Variants in SEM1 observed in about 807,000 individuals in gnomAD.
The protein encoded by SEM1 is 26S proteasome complex subunit SEM1.
A neutral mutation model predicts 12.7 loss-of-function variants in SEM1; 3 were observed. The ratio of observed to expected loss-of-function variants is 0.24; its 90% CI spans 0.11 to 0.61. The LOEUF is 0.61. Among genes scored for constraint, SEM1 ranks in the 20% least tolerant of loss-of-function variants. SEM1 has a pLI of 0.88. For missense variants in SEM1, 59 were observed against 81.3 expected (o/e 0.73, Z 1.06); for synonymous variants, 30 against 27.8 (o/e 1.08, Z -0.25).
At chr7:96,666,235 G>A (rs1563104183) in intron 2 of SEM1, among the ~76,000 whole-genome samples, 1 of 152,080 alleles carries the variant, frequency 6.6e-6, no homozygotes, top group African/African-American at 2.4e-5. Context: ...TCTGGAAACT[G>A]GGCTCTTGTC....
At chr7:96,538,407 A>G (rs1804854231) in intron 2 of SEM1, among the ~76,000 whole-genome samples, 1 of 151,808 alleles carries the variant, frequency 6.6e-6, no homozygotes, top group Admixed American at 6.6e-5. Flanking sequence ...GGGTAATAGG[A>G]GGCAAATAGG....
At chr7:96,703,432 A>G (rs1441691602) in intron 1 of SEM1, among the ~76,000 whole-genome samples, 1 of 152,342 alleles carries the variant, frequency 6.6e-6, no homozygotes, top group South Asian at 2.1e-4. Context: ...ACTTTCAACT[A>G]TTCTGTAAGT....
At chr7:96,527,807 G>A (rs1416238542) in intron 2 of SEM1, among the ~76,000 whole-genome samples, 1 of 152,096 alleles carries the variant, frequency 6.6e-6, no homozygotes, top group African/African-American at 2.4e-5. Context: ...TCTCCTGAGT[G>A]CCATTCTTAG....
intron 2 of SEM1, among the ~76,000 whole-genome samples, chr7:96,575,946 T>C (rs1335792239): frequency 2.0e-5 from 3 of 152,258 alleles, no homozygotes; most frequent in Admixed American, 2.0e-4. Context: ...CATCTATTAT[T>C]ATATTCTGTG....
intron 1 of SEM1, among the ~76,000 whole-genome samples, chr7:96,699,692 A>G (rs1487941039): frequency 6.6e-6 from 1 of 152,212 alleles, no homozygotes; most frequent in Non-Finnish European, 1.5e-5. Flanking sequence ...CTCGCACTGT[A>G]CATAACTGGA....
chr7:96,483,779 G>T, exon 4 of SEM1: 1 of 1,511,772 alleles, frequency 6.6e-7, no homozygotes, highest in Non-Finnish European at 8.9e-7. Flanking sequence ...GAGAGCCAGG[G>T]ATATCTGGTA....
chr7:96,553,768 C>T (rs1414174173), intron 2 of SEM1, among the ~76,000 whole-genome samples: 6 of 152,098 alleles, frequency 3.9e-5, no homozygotes, highest in Non-Finnish European at 8.8e-5. Flanking sequence ...GACATTGAAT[C>T]TGTAAATTAC....
chr7:96,651,537 C>G (rs1485486029), intron 2 of SEM1, among the ~76,000 whole-genome samples: 1 of 152,126 alleles, frequency 6.6e-6, no homozygotes, highest in Non-Finnish European at 1.5e-5. Context: ...CTTCAACCCA[C>G]AGGGCTGATA....
In SEM1 at chr7:96,512,435, C is replaced by T. The variant is rs149248240; in HGVS notation, c.171-5737G>A. Among the ~76,000 whole-genome samples, 4 of 152,234 alleles carry T rather than the reference C, an allele frequency of 2.6e-5. No homozygotes were observed. In the East Asian group the frequency reaches 7.7e-4, roughly 29 times the overall value. Reference sequence around the variant, plus strand: ...ATGAGCCCTCACCACCTGCCTGTTCCACCTCTGGTTGCAGGTAGCCTGTGA... The same window carrying T: ...ATGAGCCCTCACCACCTGCCTGTTCTACCTCTGGTTGCAGGTAGCCTGTGA... On this transcript the variant is annotated intron_variant and NMD_transcript_variant, in intron 2 of 3. Transcript: ENST00000466986.
intron 2 of SEM1, among the ~76,000 whole-genome samples, chr7:96,592,818 C>T (rs1232681963): frequency 1.3e-5 from 2 of 151,686 alleles, no homozygotes; most frequent in Admixed American, 6.6e-5. Context: ...TTTGAGGCAT[C>T]GATTAATTTG....
intron 2 of SEM1, among the ~76,000 whole-genome samples, chr7:96,693,587 T>C (rs985654241): frequency 1.3e-5 from 2 of 151,906 alleles, no homozygotes; most frequent in Admixed American, 6.6e-5. Context: ...CGGCTATAAT[T>C]TAAAACAAAA....
At chr7:96,544,925 C>A (rs1048922896) in intron 2 of SEM1, among the ~76,000 whole-genome samples, 3 of 151,864 alleles carry the variant, frequency 2.0e-5, no homozygotes, top group Non-Finnish European at 2.9e-5. Flanking sequence ...TCAGGGGCAG[C>A]ATAAGCAGAA....
intron 2 of SEM1, among the ~76,000 whole-genome samples, chr7:96,547,653 T>C (rs972759818): frequency 2.6e-5 from 4 of 152,116 alleles, no homozygotes; most frequent in African/African-American, 7.2e-5. Context: ...GTGCAATTAG[T>C]TCTATTATGA....
chr7:96,563,062 A>T (rs1201709277), intron 2 of SEM1, among the ~76,000 whole-genome samples: 1 of 152,164 alleles, frequency 6.6e-6, no homozygotes, highest in African/African-American at 2.4e-5. Context: ...GAGGGTCAAG[A>T]TTCAAATGAT....
chr7:96,591,027 T>TTTCTTCTAATGATCAC (rs1270443530), intron 2 of SEM1, among the ~76,000 whole-genome samples: 1 of 152,190 alleles, frequency 6.6e-6, no homozygotes, highest in Non-Finnish European at 1.5e-5. Context: ...ACATTACTTG[T>TTTCTTCTAATGATCAC]TTAGAGAAGT....
intron 2 of SEM1, among the ~76,000 whole-genome samples, chr7:96,639,823 C>T (rs555664183): frequency 4.0e-4 from 61 of 151,878 alleles, no homozygotes; most frequent in African/African-American, 6.8e-4. Flanking sequence ...TTACAAAAGA[C>T]GTATTTGATA....
chr7:96,693,184 T>C (rs1382956047), intron 2 of SEM1, among the ~76,000 whole-genome samples: 2 of 126,482 alleles, frequency 1.6e-5, no homozygotes, highest in Admixed American at 1.6e-4. Flanking sequence ...TTTCACTTTC[T>C]GTTTGAACAA....
intron 2 of SEM1, among the ~76,000 whole-genome samples, chr7:96,547,943 T>G (rs1028500955): frequency 6.6e-6 from 1 of 152,126 alleles, no homozygotes; most frequent in African/African-American, 2.4e-5. Context: ...GGAATCCTGT[T>G]GTTTATAAAA....
At chr7:96,698,122 C>A (rs1014003147) in intron 1 of SEM1, among the ~76,000 whole-genome samples, 2 of 152,080 alleles carry the variant, frequency 1.3e-5, no homozygotes, top group Non-Finnish European at 2.9e-5. Flanking sequence ...ATCAAAATAA[C>A]TTCATAATCA....
Sources: gnomAD v4.1 joint callset for allele counts (sites outside exome capture counted in the v4.1 genomes callset) on GRCh38, gnomAD v4.1.1 for gene constraint, MANE v1.5 for transcripts, NCBI Gene and HGNC (gene_info 2026-07-23, HGNC 2026-07-21) for gene names.